The following TRPM3 variants were observed in gnomAD, a reference collection of about 807,000 sequenced individuals.
TRPM3 encodes the protein transient receptor potential cation channel subfamily M member 3, also known as long transient receptor potential channel 3.
In TRPM3, 77 loss-of-function variants were observed where a neutral mutation model predicts 181.2. That is an observed-to-expected ratio of 0.42 (90% CI 0.35 to 0.51). The LOEUF (loss-of-function observed/expected upper bound fraction) is 0.51, where lower values mean the gene tolerates loss of function less well. Among genes scored for constraint, TRPM3 ranks in the 20% least tolerant of loss-of-function variants. TRPM3 has a pLI of 0.01. For missense variants in TRPM3, 1,759 were observed against 2,196.7 expected, an observed-to-expected ratio of 0.80 and a Z score of 3.98; for synonymous variants, 745 against 796.4, an observed-to-expected ratio of 0.94 and a Z score of 1.09.
At chr9:71,201,323 A>C (rs1428635143) in intron 1 of TRPM3, among the ~76,000 whole-genome samples, 5 of 151,816 alleles carry the variant, frequency 3.3e-5, no homozygotes, top group African/African-American at 4.8e-5. Flanking sequence ...CCTTCATTTC[A>C]ACTTTGGTGA....
intron 1 of TRPM3, among the ~76,000 whole-genome samples, chr9:71,274,824 C>G (rs1006504690): frequency 1.3e-5 from 2 of 152,088 alleles, no homozygotes; most frequent in Non-Finnish European, 2.9e-5. Flanking sequence ...CAAATATAAC[C>G]TTTTAGATTA....
At chr9:70,873,541 C>G (rs781337632) in intron 1 of TRPM3, among the ~76,000 whole-genome samples, 5 of 151,996 alleles carry the variant, frequency 3.3e-5, no homozygotes, top group Non-Finnish European at 5.9e-5. Context: ...CCATGTTGTT[C>G]TAGGCTTCTC....
At chr9:70,594,276 C>A (rs1253502011) in intron 21 of TRPM3, among the ~76,000 whole-genome samples, 1 of 151,894 alleles carries the variant, frequency 6.6e-6, no homozygotes, top group Admixed American at 6.6e-5. Flanking sequence ...GTAAGTTCTC[C>A]ATAAATGTTA....
chr9:70,584,185 C>A (rs1422119163), intron 22 of TRPM3, among the ~76,000 whole-genome samples: 1 of 152,024 alleles, frequency 6.6e-6, no homozygotes, highest in Non-Finnish European at 1.5e-5. Flanking sequence ...AGCCACTGTG[C>A]CTGGCCTTCT....
chr9:71,018,748 A>C (rs1404575641), intron 1 of TRPM3, among the ~76,000 whole-genome samples: 2 of 151,914 alleles, frequency 1.3e-5, no homozygotes, highest in Non-Finnish European at 2.9e-5. Context: ...ACTTAACCAA[A>C]TACTTCAGAG....
At chr9:71,214,428 A>G (rs934781371) in intron 1 of TRPM3, among the ~76,000 whole-genome samples, 4 of 152,232 alleles carry the variant, frequency 2.6e-5, no homozygotes, top group African/African-American at 9.6e-5. Flanking sequence ...ACATACGCCC[A>G]CACAAAGACT....
chr9:71,171,702 C>T (rs2076867514), intron 1 of TRPM3, among the ~76,000 whole-genome samples: 1 of 152,090 alleles, frequency 6.6e-6, no homozygotes, highest in African/African-American at 2.4e-5. Context: ...TCAAAGAAGG[C>T]AACGTGTACC....
intron 1 of TRPM3, among the ~76,000 whole-genome samples, chr9:71,103,585 T>C (rs1489397498): frequency 1.3e-5 from 2 of 152,168 alleles, no homozygotes; most frequent in East Asian, 3.9e-4. Context: ...GGCAGAACAA[T>C]GACCCAGTAA....
chr9:71,131,662 T>C (rs933358360), intron 1 of TRPM3, among the ~76,000 whole-genome samples: 2 of 152,188 alleles, frequency 1.3e-5, no homozygotes, highest in Admixed American at 6.5e-5. Context: ...GACTCTACAG[T>C]GCCCTTTTGC....
rs955263445 is a variant in TRPM3, at chr9:70,631,871, T to C, written c.1632+3340A>G. The stretch of plus-strand genomic sequence containing the variant: ...AAGAAGAGGTAAACTGGAGATGTCA[T>C]GCTGATTGACTTATGATGGTCTGAT... On this transcript the variant is annotated intron_variant, in intron 12 of 25. Coordinates refer to ENST00000677713, the MANE Select transcript of TRPM3 (RefSeq NM_001366145.2). 2.0e-5 allele frequency among the ~76,000 whole-genome samples: 3 copies of C among 152,228 alleles called. No individual in the cohort carries two copies. In the South Asian group the frequency reaches 6.2e-4, roughly 32 times the overall value.
intron 1 of TRPM3, among the ~76,000 whole-genome samples, chr9:70,948,329 T>C (rs1211204370): frequency 1.3e-5 from 2 of 151,830 alleles, no homozygotes; most frequent in Non-Finnish European, 2.9e-5. Flanking sequence ...GGGAGGTACA[T>C]TGTGAGTCAC....
intron 1 of TRPM3, among the ~76,000 whole-genome samples, chr9:70,893,693 C>A (rs185654446): frequency 6.6e-6 from 1 of 152,118 alleles, no homozygotes; most frequent in African/African-American, 2.4e-5. Context: ...GGAAGCAAAG[C>A]GCCCTCCTCC....
intron 1 of TRPM3, among the ~76,000 whole-genome samples, chr9:71,260,449 C>T (rs2309910): frequency 0.54 from 82,507 of 151,952 alleles, 22,514 homozygotes; most frequent in African/African-American, 0.59. Flanking sequence ...AGGAATAGCA[C>T]TGAATCTATC....
chr9:71,269,806 C>T (rs1029103444), intron 1 of TRPM3, among the ~76,000 whole-genome samples: 1 of 152,246 alleles, frequency 6.6e-6, no homozygotes, highest in East Asian at 1.9e-4. Flanking sequence ...AACAGTAGAA[C>T]CTCTTTCATG....
chr9:71,341,224 G>A (rs1007906113), intron 1 of TRPM3, among the ~76,000 whole-genome samples: 1 of 152,112 alleles, frequency 6.6e-6, no homozygotes, highest in South Asian at 2.1e-4. Flanking sequence ...CCACTGATGA[G>A]TACTAAATGT....
chr9:70,857,323 GCT>G (rs200810329), intron 3 of TRPM3, among the ~76,000 whole-genome samples: 9,765 of 151,970 alleles, frequency 0.064, 419 homozygotes, highest in South Asian at 0.097. Flanking sequence ...TCTGTCAAGG[GCT>G]GGTTTCACTG....
chr9:71,402,378 C>T (rs1219871369), intron 1 of TRPM3, among the ~76,000 whole-genome samples: 3 of 152,128 alleles, frequency 2.0e-5, no homozygotes, highest in African/African-American at 4.8e-5. Context: ...GAAGTCTCCT[C>T]GAGATAAATT....
chr9:71,293,355 T>G (rs1319099005), intron 1 of TRPM3, among the ~76,000 whole-genome samples: 1 of 151,894 alleles, frequency 6.6e-6, no homozygotes, highest in Non-Finnish European at 1.5e-5. Flanking sequence ...AAACATCCAT[T>G]ATTCACGGAC....
At chr9:70,903,864 C>T (rs2096422451) in intron 1 of TRPM3, among the ~76,000 whole-genome samples, 1 of 151,440 alleles carries the variant, frequency 6.6e-6, no homozygotes, top group Non-Finnish European at 1.5e-5. Flanking sequence ...CTCAAGAATA[C>T]AAAAAAGAAT....
Sources: gnomAD v4.1 joint callset for allele counts (sites outside exome capture counted in the v4.1 genomes callset) on GRCh38, gnomAD v4.1.1 for gene constraint, MANE v1.5 for transcripts, NCBI Gene and HGNC (gene_info 2026-07-23, HGNC 2026-07-21) for gene names.